SRD5A2: variants seen among roughly 807,000 people sequenced by gnomAD.
The protein encoded by SRD5A2 is steroid 5 alpha-reductase 2.
SRD5A2 carries 30 observed loss-of-function variants against 27.4 expected under a neutral mutation model. The ratio of observed to expected loss-of-function variants is 1.10; its 90% confidence interval spans 0.82 to 1.49. SRD5A2 has a LOEUF of 1.49. SRD5A2 is among the 40% of genes most tolerant of loss of function. The pLI, the probability that SRD5A2 is intolerant of heterozygous loss-of-function variation, is 0.00. For synonymous variants in SRD5A2, 141 were observed against 133.6 expected, an observed-to-expected ratio of 1.06 and a Z score of -0.38; for missense variants, 348 against 323.4, an observed-to-expected ratio of 1.08 and a Z score of -0.58.
At chr2:31,633,752 G>T in the SRD5A2 span, among the ~76,000 whole-genome samples, 1 of 152,138 alleles carries the variant, frequency 6.6e-6, no homozygotes, top group African/African-American at 2.4e-5. Context: ...GGGACTGCAA[G>T]ACAGGATTAG....
intron 1 of SRD5A2, among the ~76,000 whole-genome samples, chr2:31,567,593 C>A (rs528078371): frequency 6.6e-6 from 1 of 151,972 alleles, no homozygotes; most frequent in Non-Finnish European, 1.5e-5. Flanking sequence ...ACCTTCTTGT[C>A]CCTCTTGTGT....
At chr2:31,658,790 A>G in the SRD5A2 span, among the ~76,000 whole-genome samples, 1 of 152,172 alleles carries the variant, frequency 6.6e-6, no homozygotes, top group Non-Finnish European at 1.5e-5. Context: ...TATCAGATGT[A>G]TAAAGAAGAG....
Position 31,531,383 on chromosome 2 carries a change from T to C in SRD5A2, c.535A>G (p.Arg179Gly). The C allele has an allele frequency of 6.3e-7, 1 of 1,584,630 alleles. No homozygotes were observed. The highest frequency in any genetic ancestry group is 8.6e-7 in the Non-Finnish European group (1 of 1,164,270). ...GGGGAGACATTACCTTGTGGAATCC[T>C]GTAGCTGATTTCTCCAGGCTTCCTG... ...QLRKPGEISY[R>G]IPQGGLFTYV... The change falls in exon 3 of 5, where the codon AGG becomes GGG. Residue 179 changes from arginine (R) to glycine (G), a missense_variant. Transcript: ENST00000622030.
At chr2:31,526,718 G>A (rs72866087) in intron 4 of SRD5A2, among the ~76,000 whole-genome samples, 1 of 152,102 alleles carries the variant, frequency 6.6e-6, no homozygotes, top group Non-Finnish European at 1.5e-5. Flanking sequence ...GGGAATGCCA[G>A]CAAATTGTCA....
Position 31,580,683 on chromosome 2 carries a change from A to G in SRD5A2, c.218T>C (p.Leu73Pro), listed in dbSNP as rs1667057376. 2.5e-6 allele frequency: 4 copies of G among 1,598,982 alleles called. No homozygotes were observed. In the East Asian group the frequency reaches 6.7e-5, roughly 27 times the overall value. Reference sequence around the variant, plus strand: ...CGTCCCAGGTGGCCCGAAGAGGGAGAGGGGCTGCCGGGCGAGGATCCCCGC... The same window carrying G: ...CGTCCCAGGTGGCCCGAAGAGGGAGGGGGGCTGCCGGGCGAGGATCCCCGC... ...VPAGILARQP[L>P]SLFGPPGTVL... is the part of the protein sequence containing the mutation. The change falls in exon 1 of 5, where the codon CTC (leucine) becomes CCC (proline). Residue 73 changes from leucine to proline, a missense_variant. Coordinates refer to ENST00000622030, the MANE Select transcript of SRD5A2 (RefSeq NM_000348.4).
At chr2:31,641,235 A>G in the SRD5A2 span, among the ~76,000 whole-genome samples, 1 of 152,192 alleles carries the variant, frequency 6.6e-6, no homozygotes, top group Admixed American at 6.5e-5. Context: ...GAAGACCAAA[A>G]TTGCAGATGA....
the SRD5A2 span, among the ~76,000 whole-genome samples, chr2:31,659,589 C>T: frequency 6.6e-6 from 1 of 152,108 alleles, no homozygotes; most frequent in African/African-American, 2.4e-5. Context: ...ACAATTACCA[C>T]AAATGGAATA....
chr2:31,629,986 C>G, the SRD5A2 span, among the ~76,000 whole-genome samples: 4 of 152,174 alleles, frequency 2.6e-5, no homozygotes, highest in African/African-American at 7.2e-5. Flanking sequence ...CCAGAGAGTC[C>G]TGTCCCTGGT....
At chr2:31,566,752 A>T (rs1035688604) in intron 1 of SRD5A2, among the ~76,000 whole-genome samples, 3 of 152,248 alleles carry the variant, frequency 2.0e-5, no homozygotes, top group Non-Finnish European at 2.9e-5. Context: ...ATGGGGTGTC[A>T]TATCTCTGCT....
the SRD5A2 span, among the ~76,000 whole-genome samples, chr2:31,637,526 G>T: frequency 2.0e-5 from 3 of 152,162 alleles, no homozygotes; most frequent in African/African-American, 7.2e-5. Context: ...CCTGCCCTTT[G>T]TCCAGAAAGT....
rs566562286 is a variant in SRD5A2 at position 31,580,882 on chromosome 2, G to C, written c.19C>G (p.Gln7Glu). Residue 7 changes from glutamine (Q) to glutamate (E), a missense_variant, in exon 1 of 5, where the codon CAG becomes GAG. By Grantham distance (29) the Gln-to-Glu change is conservative. Coordinates refer to ENST00000622030, the MANE Select transcript of SRD5A2 (RefSeq NM_000348.4). MQVQCQ[Q>E]SPVLAGSATL... ...GCGCTGCCTGCCAGCACTGGGCTCTGCTGGCACTGAACCTGCATCGCGCCG... is the reference window on the plus strand; with the variant it reads ...GCGCTGCCTGCCAGCACTGGGCTCTCCTGGCACTGAACCTGCATCGCGCCG... The C allele has an allele frequency of 6.2e-7, 1 of 1,607,310 alleles. No homozygotes were observed. Among genetic ancestry groups the C allele is most frequent in the Admixed American group, 1.7e-5 (1 of 59,902 alleles).
At position 31,529,440 on chromosome 2, in the gene SRD5A2, C is replaced by T. The variant is rs774564339; in HGVS notation, c.565G>A (p.Val189Ile). 1.2e-6 allele frequency: 2 copies of T among 1,612,868 alleles called. No homozygotes were observed. The highest frequency in any genetic ancestry group is 1.1e-5 in the South Asian group (1 of 90,666). The change falls in exon 4 of 5, where the codon GTT becomes ATT. Residue 189 changes from valine to isoleucine, a missense_variant. Coordinates refer to ENST00000622030, the MANE Select transcript of SRD5A2 (RefSeq NM_000348.4). ...TCACCGAGGAAATTGGCTCCAGAAACATACGTAAACAAGCCACCTGCGTGC... is the reference window on the plus strand; with the variant it reads ...TCACCGAGGAAATTGGCTCCAGAAATATACGTAAACAAGCCACCTGCGTGC... ...RIPQGGLFTY[V>I]SGANFLGEII...
chr2:31,564,306 A>C (rs1666685793), intron 1 of SRD5A2, among the ~76,000 whole-genome samples: 1 of 152,048 alleles, frequency 6.6e-6, no homozygotes, highest in Non-Finnish European at 1.5e-5. Flanking sequence ...CAGATAAGAC[A>C]TTGTAGAAGA....
At chr2:31,570,004 G>C (rs989195428) in intron 1 of SRD5A2, among the ~76,000 whole-genome samples, 3 of 152,142 alleles carry the variant, frequency 2.0e-5, no homozygotes, top group Non-Finnish European at 4.4e-5. Context: ...TTGAGGAAGA[G>C]GGACTCCTCC....
At chr2:31,638,043 C>G in the SRD5A2 span, among the ~76,000 whole-genome samples, 1 of 151,906 alleles carries the variant, frequency 6.6e-6, no homozygotes, top group Non-Finnish European at 1.5e-5. Flanking sequence ...AGTCTTTCTA[C>G]TTTTTTGATG....
intron 1 of SRD5A2, among the ~76,000 whole-genome samples, chr2:31,549,413 T>C (rs1306048868): frequency 6.6e-6 from 1 of 151,996 alleles, no homozygotes; most frequent in Non-Finnish European, 1.5e-5. Context: ...TCTTACTAGG[T>C]ACAGAGTTTC....
At chr2:31,617,834 G>A in the SRD5A2 span, among the ~76,000 whole-genome samples, 1 of 152,214 alleles carries the variant, frequency 6.6e-6, no homozygotes, top group African/African-American at 2.4e-5. Flanking sequence ...TCTCTAGGAA[G>A]TTCCAAACTT....
At chr2:31,583,819 T>C (rs1667129335), upstream of SRD5A2, among the ~76,000 whole-genome samples, 1 of 151,872 alleles carries the variant, frequency 6.6e-6, no homozygotes, top group Non-Finnish European at 1.5e-5. Flanking sequence ...AGGAAAAGGT[T>C]TATATCGACA....
the SRD5A2 span, among the ~76,000 whole-genome samples, chr2:31,641,545 A>G: frequency 6.6e-6 from 1 of 152,192 alleles, no homozygotes; most frequent in Non-Finnish European, 1.5e-5. Context: ...ATCCTTTACA[A>G]TATCTCTTAT....
Sources: gnomAD v4.1 joint callset for allele counts (sites outside exome capture counted in the v4.1 genomes callset) on GRCh38, gnomAD v4.1.1 for gene constraint, MANE v1.5 for transcripts, NCBI Gene and HGNC (gene_info 2026-07-23, HGNC 2026-07-21) for gene names.